Variants in TRPC4 observed in about 807,000 individuals in gnomAD.
The protein encoded by TRPC4 is short transient receptor potential channel 4.
A neutral mutation model predicts 99.4 loss-of-function variants in TRPC4; 49 were observed. That is an observed-to-expected ratio of 0.49 (90% CI 0.39 to 0.63). TRPC4 has a LOEUF of 0.63. Ranked by LOEUF, TRPC4 falls within the 20% of genes least tolerant of loss-of-function variation. TRPC4 has a pLI of 0.00. For synonymous variants in TRPC4, 454 were observed against 425.9 expected, an observed-to-expected ratio of 1.07 and a Z score of -0.81; for missense variants, 898 against 1,152.9, an observed-to-expected ratio of 0.78 and a Z score of 3.20.
At chr13:37,827,931 G>A (rs1422893337) in intron 1 of TRPC4, among the ~76,000 whole-genome samples, 2 of 152,192 alleles carry the variant, frequency 1.3e-5, no homozygotes, top group East Asian at 3.9e-4. Flanking sequence ...GAGACTCCAT[G>A]GGCGTAGGAC....
intron 1 of TRPC4, among the ~76,000 whole-genome samples, chr13:37,865,096 G>A (rs1467602196): frequency 2.6e-5 from 4 of 151,672 alleles, no homozygotes; most frequent in Non-Finnish European, 5.9e-5. Context: ...TCCTGTCAGC[G>A]CAAATGCATA....
chr13:37,745,809 T>C, intron 3 of TRPC4, 128 bp downstream of exon 3: 2 of 1,008,630 alleles, frequency 2.0e-6, no homozygotes, highest in Non-Finnish European at 2.9e-6. Flanking sequence ...CGGTAGACAA[T>C]AAATGTCATC....
At chr13:37,676,959 AT>A (rs1953077847) in intron 4 of TRPC4, among the ~76,000 whole-genome samples, 1 of 151,624 alleles carries the variant, frequency 6.6e-6, no homozygotes, top group Admixed American at 6.6e-5. Context: ...AAATACATAT[AT>A]TTATTTTTAT....
chr13:37,716,444 C>G (rs1347123892), intron 3 of TRPC4, among the ~76,000 whole-genome samples: 1 of 152,174 alleles, frequency 6.6e-6, no homozygotes, highest in African/African-American at 2.4e-5. Context: ...GGTTTCTTTA[C>G]CATACATTTG....
At chr13:37,845,772 T>C (rs578049580) in intron 1 of TRPC4, among the ~76,000 whole-genome samples, 26 of 152,004 alleles carry the variant, frequency 1.7e-4, no homozygotes, top group Non-Finnish European at 3.4e-4. Flanking sequence ...TAGCTAAAAA[T>C]ATCCCAAATC....
At chr13:37,745,307 A>G (rs958905488) in intron 3 of TRPC4, among the ~76,000 whole-genome samples, 1 of 151,422 alleles carries the variant, frequency 6.6e-6, no homozygotes, top group African/African-American at 2.4e-5. Flanking sequence ...CATGGATAGG[A>G]AAAAATCAGC....
intron 3 of TRPC4, among the ~76,000 whole-genome samples, chr13:37,697,795 A>T (rs969656154): frequency 5.9e-5 from 9 of 152,186 alleles, no homozygotes; most frequent in African/African-American, 1.9e-4. Context: ...AACTTGATAA[A>T]CGCTGGTTTA....
chr13:37,751,594 T>A (rs1283679936), intron 2 of TRPC4, among the ~76,000 whole-genome samples: 4 of 152,102 alleles, frequency 2.6e-5, no homozygotes, highest in Admixed American at 2.0e-4. Flanking sequence ...CTACTGCAAA[T>A]GCGATTTTTC....
chr13:37,829,294 A>G (rs1484696357), intron 1 of TRPC4, among the ~76,000 whole-genome samples: 1 of 152,244 alleles, frequency 6.6e-6, no homozygotes, highest in Non-Finnish European at 1.5e-5. Context: ...TTTTTAAAAA[A>G]TGTGCAAAGA....
At chr13:37,768,267 C>A (rs1198037937) in intron 2 of TRPC4, among the ~76,000 whole-genome samples, 1 of 151,390 alleles carries the variant, frequency 6.6e-6, no homozygotes, top group South Asian at 2.1e-4. Context: ...TTAAAAATTT[C>A]TTCTCTTCTG....
At chr13:37,801,905 G>T (rs961837226) in intron 1 of TRPC4, among the ~76,000 whole-genome samples, 2 of 152,034 alleles carry the variant, frequency 1.3e-5, no homozygotes, top group Admixed American at 6.6e-5. Flanking sequence ...ATCAACAAAA[G>T]AATAGAACCT....
intron 1 of TRPC4, among the ~76,000 whole-genome samples, chr13:37,835,789 T>C (rs542747234): frequency 6.6e-6 from 1 of 152,336 alleles, no homozygotes; most frequent in Non-Finnish European, 1.5e-5. Flanking sequence ...TATGCACAAT[T>C]CCCAATATAT....
intron 2 of TRPC4, among the ~76,000 whole-genome samples, chr13:37,776,415 C>T (rs901125723): frequency 5.9e-5 from 9 of 151,664 alleles, no homozygotes; most frequent in South Asian, 2.1e-4. Flanking sequence ...GAGAAATGAG[C>T]GTCTTTAATA....
At chr13:37,769,841 C>A (rs991653910) in intron 2 of TRPC4, among the ~76,000 whole-genome samples, 1 of 151,514 alleles carries the variant, frequency 6.6e-6, no homozygotes, top group African/African-American at 2.4e-5. Context: ...TGGTGTACTT[C>A]GTTCTGAAAT....
intron 7 of TRPC4, among the ~76,000 whole-genome samples, chr13:37,652,969 C>T (rs1952099989): frequency 6.6e-6 from 1 of 152,118 alleles, no homozygotes; most frequent in African/African-American, 2.4e-5. Flanking sequence ...CCACCTTCCA[C>T]TACTCACCTT....
intron 3 of TRPC4, among the ~76,000 whole-genome samples, chr13:37,735,932 G>C (rs1365107806): frequency 6.6e-6 from 1 of 152,158 alleles, no homozygotes; most frequent in Non-Finnish European, 1.5e-5. Context: ...TTCTTGAACA[G>C]TGTTGTTTAA....
chr13:37,707,759 C>G (rs2138968258), intron 3 of TRPC4, among the ~76,000 whole-genome samples: 1 of 152,184 alleles, frequency 6.6e-6, no homozygotes, highest in Admixed American at 6.6e-5. Flanking sequence ...GCAGTGGAAC[C>G]AAGACTATGC....
At chr13:37,674,154 A>G (rs887221958) in intron 5 of TRPC4, 74 bp downstream of exon 5, 1 of 1,339,534 alleles carries the variant, frequency 7.5e-7, no homozygotes, top group Non-Finnish European at 9.8e-7. Flanking sequence ...TTTATTAATA[A>G]AATTAATATC....
intron 1 of TRPC4, among the ~76,000 whole-genome samples, chr13:37,827,913 C>T (rs1025118649): frequency 8.5e-5 from 13 of 152,186 alleles, no homozygotes; most frequent in East Asian, 3.9e-4. Flanking sequence ...GCTGTGCTAG[C>T]AATCAGCGAG....
Sources: allele counts gnomAD v4.1 joint callset (sites outside exome capture counted in the v4.1 genomes callset), GRCh38; gene constraint gnomAD v4.1.1; transcripts MANE v1.5; gene names NCBI Gene and HGNC (gene_info 2026-07-23, HGNC 2026-07-21).